Variants in FOXD4 observed in about 807,000 individuals in gnomAD.
The protein encoded by FOXD4 is forkhead box D4.
A neutral mutation model predicts 26.5 loss-of-function variants in FOXD4; 22 were observed. The ratio of observed to expected loss-of-function variants is 0.83; its 90% CI spans 0.59 to 1.18. FOXD4 has a LOEUF of 1.18. FOXD4 is among the 50% of genes most tolerant of loss of function. FOXD4 has a pLI of 0.00. For missense variants in FOXD4, 625 were observed against 605.8 expected (o/e 1.03, Z -0.33); for synonymous variants, 258 against 273.7 (o/e 0.94, Z 0.57).
At position 117,791 on chromosome 9, in the gene FOXD4, A is replaced by C. The variant is rs1819408955; in HGVS notation, c.329T>G (p.Ile110Ser). The change falls in exon 1 of 1, where the codon ATC becomes AGC. Residue 110 changes from isoleucine to serine, a missense_variant. Ile to Ser is a moderately radical substitution (Grantham distance 142). Coordinates refer to ENST00000382500, the MANE Select transcript of FOXD4 (RefSeq NM_207305.5). The stretch of plus-strand genomic sequence containing the variant: ...CAGGATGGCCATGGTGATGAGCGCG[A>C]TGTACGAGGAGGGGGGCTTTGCCGG... ...RQPAKPPSSYIALITMAILQS... is the reference protein window; with the variant it reads ...RQPAKPPSSYSALITMAILQS... The C allele has an allele frequency of 6.2e-7, 1 of 1,613,194 alleles. No homozygotes were observed. The highest frequency in any genetic ancestry group is 8.5e-7 in the Non-Finnish European group (1 of 1,179,990).
chr9:116,649 G>C lies in FOXD4; in HGVS notation c.*151C>G, dbSNP rs542213756. ...GAAGGTTACGTTCAGGTGGTTTTTA[G>C]AGGAACGTAATCCAGCTGTTTCTTT... On this transcript the variant is annotated 3_prime_UTR_variant, in exon 1 of 1. Coordinates refer to ENST00000382500, the MANE Select transcript of FOXD4 (RefSeq NM_207305.5). 6 of 1,300,346 alleles carry C rather than the reference G, an allele frequency of 4.6e-6. No individual in the cohort carries two copies. The African/African-American group carries it at 7.5e-5, about 16-fold the overall frequency. The allele number at this position is 1,300,346 out of a possible 1,614,324, so 80.6% of individuals were successfully genotyped here.
In FOXD4 at chr9:117,080, G is replaced by C. The variant is rs1454447195; in HGVS notation, c.1040C>G (p.Ala347Gly). The C allele has an allele frequency of 6.2e-7, 1 of 1,611,924 alleles. No individual in the cohort carries two copies. The highest frequency in any genetic ancestry group is 8.5e-7 in the Non-Finnish European group (1 of 1,179,868). ...ACGGTCGCTGGAGCAGGGGGCAGTAGCTCCACGCGGTCGGGGACAAACTCT... is the reference window on the plus strand; with the variant it reads ...ACGGTCGCTGGAGCAGGGGGCAGTACCTCCACGCGGTCGGGGACAAACTCT... ...LRRVCPRPRG[A>G]TAPCSSDRQA... Residue 347 changes from alanine (A) to glycine (G), a missense_variant, in exon 1 of 1, where the codon GCT (alanine) becomes GGT (glycine). Ala to Gly is a moderately conservative substitution (Grantham distance 60). This residue lies in a region of FOXD4 where 134 missense variants were observed against 132.2 expected (regional missense o/e 1.01). Coordinates refer to ENST00000382500, the MANE Select transcript of FOXD4 (RefSeq NM_207305.5).
In FOXD4 at chr9:118,039, G is replaced by A. The variant is rs746584931; in HGVS notation, c.81C>T (p.Ile27=). The A allele has an allele frequency of 3.7e-6, 6 of 1,611,888 alleles. No homozygotes were observed. The highest frequency in any genetic ancestry group is 5.1e-6 in the Non-Finnish European group (6 of 1,179,858). The change falls in exon 1 of 1, where the codon ATC becomes ATT. Residue 27 remains isoleucine (I), a synonymous_variant. Coordinates refer to ENST00000382500, the MANE Select transcript of FOXD4 (RefSeq NM_207305.5). ...LRDSDGEDGK[I]DVLGEEEDED... is the part of the protein sequence containing the mutation. ...CATCTTCCTCCTCTCCCAGGACATCGATTTTACCGTCTTCCCCATCGGAGT... is the reference window on the plus strand; with the variant it reads ...CATCTTCCTCCTCTCCCAGGACATCAATTTTACCGTCTTCCCCATCGGAGT...
chr9:117,790 G>C lies in FOXD4; in HGVS notation c.330C>G (p.Ile110Met), dbSNP rs765907357. Residue 110 changes from isoleucine to methionine, a missense_variant, in exon 1 of 1, where the codon ATC becomes ATG. Ile to Met is a conservative substitution (Grantham distance 10). This residue lies in a region of FOXD4 where 399 missense variants were observed against 329.4 expected (regional missense o/e 1.21). Transcript: ENST00000382500. Reference protein sequence around the residue: ...RQPAKPPSSYIALITMAILQS... With the variant: ...RQPAKPPSSYMALITMAILQS... The stretch of plus-strand genomic sequence containing the variant: ...GCAGGATGGCCATGGTGATGAGCGC[G>C]ATGTACGAGGAGGGGGGCTTTGCCG... 5.7e-5 allele frequency: 92 copies of C among 1,613,134 alleles called. No individual in the cohort carries two copies. The highest frequency in any genetic ancestry group is 7.3e-5 in the Non-Finnish European group (86 of 1,180,012).
In FOXD4 at chr9:117,980, A is replaced by G; in HGVS notation, c.140T>C (p.Leu47Pro). Residue 47 changes from leucine (L) to proline (P), a missense_variant, in exon 1 of 1, where the codon CTA becomes CCA. Leu to Pro is a moderately conservative substitution (Grantham distance 98). Coordinates refer to ENST00000382500, the MANE Select transcript of FOXD4 (RefSeq NM_207305.5). ...CAGCCCCGGCTGGAGCGACTGCTCT[A>G]GGAACTGCTGGCTCGCCGCCTCCTC... ...DEEEAASQQF[L>P]EQSLQPGLQV... 6.2e-7 allele frequency: 1 copy of G among 1,612,012 alleles called. No individual in the cohort carries two copies. Among genetic ancestry groups the G allele is most frequent in the Non-Finnish European group, 8.5e-7 (1 of 1,179,836 alleles).
chr9:117,962 G>A lies in FOXD4; in HGVS notation c.158C>T (p.Pro53Leu), dbSNP rs751809498. 1.8e-5 allele frequency: 29 copies of A among 1,611,828 alleles called. No individual in the cohort carries two copies. The highest frequency in any genetic ancestry group is 8.3e-5 in the Admixed American group (5 of 60,004). ...GCCCCACCGGGCCACCTGCAGCCCC[G>A]GCTGGAGCGACTGCTCTAGGAACTG... ...SQQFLEQSLQPGLQVARWGGV... is the reference protein window; with the variant it reads ...SQQFLEQSLQLGLQVARWGGV... Residue 53 changes from proline (P) to leucine (L), a missense_variant, in exon 1 of 1, where the codon CCG becomes CTG. Coordinates refer to ENST00000382500, the MANE Select transcript of FOXD4 (RefSeq NM_207305.5).
chr9:117,881 G>C, the FOXD4 span: 3 of 1,611,912 alleles, frequency 1.9e-6, no homozygotes, highest in South Asian at 2.2e-5. Flanking sequence ...GCCAAACTCT[G>C]AGGGGTCGCT....
chr9:117,953 T>A lies in FOXD4; in HGVS notation c.167A>T (p.Gln56Leu), dbSNP rs1294865386. Residue 56 changes from glutamine (Q) to leucine (L), a missense_variant, in exon 1 of 1, where the codon CAG (glutamine) becomes CTG (leucine). By Grantham distance (113) the Gln-to-Leu change is moderately radical (BLOSUM62 -2). This residue lies in a region of FOXD4 where 399 missense variants were observed against 329.4 expected (regional missense o/e 1.21). Coordinates refer to ENST00000382500, the MANE Select transcript of FOXD4 (RefSeq NM_207305.5). ...CGCAACCCCGCCCCACCGGGCCACC[T>A]GCAGCCCCGGCTGGAGCGACTGCTC... ...FLEQSLQPGL[Q>L]VARWGGVALP... is the part of the protein sequence containing the mutation. The A allele has an allele frequency of 6.2e-7, 1 of 1,611,958 alleles. No homozygotes were observed. The highest frequency in any genetic ancestry group is 1.1e-5 in the South Asian group (1 of 90,984).
At position 117,748 on chromosome 9, in the gene FOXD4, G is replaced by C. The variant is rs758199052; in HGVS notation, c.372C>G (p.Arg124=). 2.5e-5 allele frequency: 41 copies of C among 1,613,162 alleles called. 1 individual carries two copies. The Admixed American group carries it at 6.8e-4, about 27-fold the overall frequency. Residue 124 remains arginine (R), a synonymous_variant, in exon 1 of 1, where the codon CGC becomes CGG. Transcript: ENST00000382500. The part of the protein sequence containing the change: ...TMAILQSPHK[R]LTLSGICAFI... The stretch of plus-strand genomic sequence containing the variant: ...AGGCGCAGATGCCGCTGAGCGTGAG[G>C]CGCTTGTGCGGGCTTTGCAGGATGG...
In FOXD4 at chr9:117,590, T is replaced by C; in HGVS notation, c.530A>G (p.Tyr177Cys). The change falls in exon 1 of 1, where the codon TAC becomes TGC. Residue 177 changes from tyrosine to cysteine, a missense_variant. By Grantham distance (194) the Tyr-to-Cys change is radical (BLOSUM62 -2). This residue lies in a region of FOXD4 where 399 missense variants were observed against 329.4 expected (regional missense o/e 1.21). Transcript: ENST00000382500. ...CTGGGAGGCGGGGTCCAGGCTCCAG[T>C]AGTTGCCCTTGCCTGGGCGGCCCGG... ...REPGRPGKGNYWSLDPASQDM... is the reference protein window; with the variant it reads ...REPGRPGKGNCWSLDPASQDM... 8 of 1,613,804 alleles carry C rather than the reference T, an allele frequency of 5.0e-6. No homozygotes were observed. The highest frequency in any genetic ancestry group is 1.7e-4 in the Middle Eastern group (1 of 5,744).
rs770815929 is a variant in FOXD4 at position 117,326 on chromosome 9, C to T, written c.794G>A (p.Arg265His). ...GGCGGGGGCCGAGAGCAGTAGGTAGCGAGGAGGATGCGGGTGCAGCAGAGC... is the reference window on the plus strand; with the variant it reads ...GGCGGGGGCCGAGAGCAGTAGGTAGTGAGGAGGATGCGGGTGCAGCAGAGC... ...PYALLHPHPPRYLLLSAPAYA... is the reference protein window; with the variant it reads ...PYALLHPHPPHYLLLSAPAYA... Residue 265 changes from arginine (R) to histidine (H), a missense_variant, in exon 1 of 1, where the codon CGC becomes CAC. Arg to His is a conservative substitution (Grantham distance 29, BLOSUM62 0). Around this residue, in one of 3 missense-constraint regions of FOXD4, gnomAD observed 92 missense variants for 144.2 expected, o/e 0.64. Coordinates refer to ENST00000382500, the MANE Select transcript of FOXD4 (RefSeq NM_207305.5). 6 of 1,598,484 alleles carry T rather than the reference C, an allele frequency of 3.8e-6. No homozygotes were observed. The highest frequency in any genetic ancestry group is 2.3e-4 in the Middle Eastern group (1 of 4,426).
chr9:117,302 G>C lies in FOXD4; in HGVS notation c.818C>G (p.Ala273Gly), dbSNP rs2130625002. 5.6e-6 allele frequency: 9 copies of C among 1,602,550 alleles called. No homozygotes were observed. The highest frequency in any genetic ancestry group is 7.6e-6 in the Non-Finnish European group (9 of 1,179,758). The change falls in exon 1 of 1, where the codon GCC becomes GGC. Residue 273 changes from alanine to glycine, a missense_variant. Physicochemically the swap from Ala to Gly is moderately conservative, Grantham distance 60. This residue lies in a region of FOXD4 where 92 missense variants were observed against 144.2 expected (regional missense o/e 0.64). Coordinates refer to ENST00000382500, the MANE Select transcript of FOXD4 (RefSeq NM_207305.5). ...PPRYLLLSAP[A>G]YAGAPKKAEG... ...TGCTTTCTTCGGTGCCCCGGCATAGGCGGGGGCCGAGAGCAGTAGGTAGCG... is the reference window on the plus strand; with the variant it reads ...TGCTTTCTTCGGTGCCCCGGCATAGCCGGGGGCCGAGAGCAGTAGGTAGCG...
Position 117,768 on chromosome 9 carries a change from G to C in FOXD4, c.352C>G (p.Leu118Val), listed in dbSNP as rs1424198624. The change falls in exon 1 of 1, where the codon CTG becomes GTG. Residue 118 changes from leucine (L) to valine (V), a missense_variant. Physicochemically the swap from Leu to Val is conservative, Grantham distance 32 (BLOSUM62 1). This residue lies in a region of FOXD4 where 399 missense variants were observed against 329.4 expected (regional missense o/e 1.21). Coordinates refer to ENST00000382500, the MANE Select transcript of FOXD4 (RefSeq NM_207305.5). ...SYIALITMAI[L>V]QSPHKRLTLS... ...GTGAGGCGCTTGTGCGGGCTTTGCA[G>C]GATGGCCATGGTGATGAGCGCGATG... The C allele has an allele frequency of 6.2e-7, 1 of 1,613,190 alleles. No individual in the cohort carries two copies. The highest frequency in any genetic ancestry group is 8.5e-7 in the Non-Finnish European group (1 of 1,180,016).
In FOXD4 at chr9:118,237, T is replaced by C. The variant is rs1819428820; in HGVS notation, c.-118A>G. On this transcript the variant is annotated 5_prime_UTR_variant, in exon 1 of 1. Transcript: ENST00000382500. ...AAGCAGGAACGCTAGTGGTTACCCTTTGGGATGTTTTCCTCTGCTTGTTTC... is the reference window on the plus strand; with the variant it reads ...AAGCAGGAACGCTAGTGGTTACCCTCTGGGATGTTTTCCTCTGCTTGTTTC... 3.1e-6 allele frequency: 5 copies of C among 1,597,048 alleles called. No individual in the cohort carries two copies. Among genetic ancestry groups the C allele is most frequent in the African/African-American group, 1.3e-5 (1 of 74,308 alleles).
In FOXD4 at chr9:116,868, C is replaced by A. The variant is rs936437781; in HGVS notation, c.1252G>T (p.Gly418Trp). 8 of 1,609,848 alleles carry A rather than the reference C, an allele frequency of 5.0e-6. No homozygotes were observed. Among genetic ancestry groups the A allele is most frequent in the Admixed American group, 1.7e-5 (1 of 59,876 alleles). ...TSLAAPLGGE[G>W]TSPVFLVSPT... ...GATACTAAAAAAACTGGTGAGGTCC[C>A]CTCTCCGCCCAAAGGGGCGGCCAGC... The change falls in exon 1 of 1, where the codon GGG becomes TGG. Residue 418 changes from glycine (G) to tryptophan (W), a missense_variant. By Grantham distance (184) the Gly-to-Trp change is radical (BLOSUM62 -2). Around this residue, in one of 3 missense-constraint regions of FOXD4, gnomAD observed 134 missense variants for 132.2 expected, o/e 1.01. Transcript: ENST00000382500.
In FOXD4 at chr9:117,737, C is replaced by G; in HGVS notation, c.383G>C (p.Ser128Thr). The G allele has an allele frequency of 6.2e-7, 1 of 1,613,222 alleles. No individual in the cohort carries two copies. The highest frequency in any genetic ancestry group is 1.1e-5 in the South Asian group (1 of 91,036). ...GTCACTAATGAAGGCGCAGATGCCG[C>G]TGAGCGTGAGGCGCTTGTGCGGGCT... ...LQSPHKRLTLSGICAFISDRF... is the reference protein window; with the variant it reads ...LQSPHKRLTLTGICAFISDRF... Residue 128 changes from serine to threonine, a missense_variant, in exon 1 of 1, where the codon AGC (serine) becomes ACC (threonine). Physicochemically the swap from Ser to Thr is moderately conservative, Grantham distance 58. Around this residue, in one of 3 missense-constraint regions of FOXD4, gnomAD observed 399 missense variants for 329.4 expected, o/e 1.21. Transcript: ENST00000382500.
Position 116,983 on chromosome 9 carries a change from G to T in FOXD4, c.1137C>A (p.Pro379=). 1 of 1,612,002 alleles carries T rather than the reference G, an allele frequency of 6.2e-7. No homozygotes were observed. ...GCCCGCCCAGCACCGCGCCCTTGGT[G>T]GGAGCGCAGCCGTTGGCGCAGTCCT... is the stretch of plus-strand genomic sequence containing the variant. The part of the protein sequence containing the change: ...QEEDCANGCA[P]TKGAVLGGHL... The change falls in exon 1 of 1, where the codon CCC becomes CCA. Residue 379 remains proline, a synonymous_variant. Transcript: ENST00000382500.
rs141818423 is a variant in FOXD4 at position 117,750 on chromosome 9, G to C, written c.370C>G (p.Arg124Gly). The change falls in exon 1 of 1, where the codon CGC (arginine) becomes GGC (glycine). Residue 124 changes from arginine (R) to glycine (G), a missense_variant. By Grantham distance (125) the Arg-to-Gly change is moderately radical (BLOSUM62 -2). Coordinates refer to ENST00000382500, the MANE Select transcript of FOXD4 (RefSeq NM_207305.5). ...GCGCAGATGCCGCTGAGCGTGAGGCGCTTGTGCGGGCTTTGCAGGATGGCC... is the reference window on the plus strand; with the variant it reads ...GCGCAGATGCCGCTGAGCGTGAGGCCCTTGTGCGGGCTTTGCAGGATGGCC... ...TMAILQSPHK[R>G]LTLSGICAFI... 1.2e-6 allele frequency: 2 copies of C among 1,613,244 alleles called. No individual in the cohort carries two copies. The highest frequency in any genetic ancestry group is 1.7e-6 in the Non-Finnish European group (2 of 1,180,002).
chr9:117,407 G>C lies in FOXD4; in HGVS notation c.713C>G (p.Pro238Arg), dbSNP rs781080497. ...RPGPLLGAPA[P>R]PQPVPGAYPN... ...GTAGGCCCCCGGGACTGGCTGCGGC[G>C]GGGCAGGGGCCCCAAGCAGAGGGCC... The change falls in exon 1 of 1, where the codon CCG (proline) becomes CGG (arginine). Residue 238 changes from proline (P) to arginine (R), a missense_variant. By Grantham distance (103) the Pro-to-Arg change is moderately radical (BLOSUM62 -2). This residue lies in a region of FOXD4 where 92 missense variants were observed against 144.2 expected (regional missense o/e 0.64). Coordinates refer to ENST00000382500, the MANE Select transcript of FOXD4 (RefSeq NM_207305.5). 1 of 1,592,392 alleles carries C rather than the reference G, an allele frequency of 6.3e-7. No homozygotes were observed. Among genetic ancestry groups the C allele is most frequent in the Non-Finnish European group, 8.5e-7 (1 of 1,175,948 alleles).
Sources: allele counts gnomAD v4.1 joint callset, GRCh38; gene constraint gnomAD v4.1.1; regional missense constraint gnomAD v4.1.1; transcripts MANE v1.5; gene names NCBI Gene and HGNC (gene_info 2026-07-23, HGNC 2026-07-21).